The following ST6GALNAC3 variants were observed in gnomAD, a reference collection of about 807,000 sequenced individuals.
The protein encoded by ST6GALNAC3 is alpha-N-acetylgalactosaminide alpha-2,6-sialyltransferase 3.
A neutral mutation model predicts 32.7 loss-of-function variants in ST6GALNAC3; 25 were observed. The observed-to-expected ratio is 0.76, with a 90% confidence interval of 0.56 to 1.07. The LOEUF (loss-of-function observed/expected upper bound fraction) is 1.07, where lower values mean the gene tolerates loss of function less well. Among genes scored for constraint, ST6GALNAC3 ranks in the 50% least tolerant of loss-of-function variants. The pLI, the probability that ST6GALNAC3 is intolerant of heterozygous loss-of-function variation, is 0.00. For missense variants in ST6GALNAC3, 355 were observed against 382.4 expected (o/e 0.93, Z 0.60); for synonymous variants, 129 against 133.1 (o/e 0.97, Z 0.21).
chr1:76,320,327 G>A (rs1646942498), intron 2 of ST6GALNAC3, among the ~76,000 whole-genome samples: 1 of 152,126 alleles, frequency 6.6e-6, no homozygotes, highest in South Asian at 2.1e-4. Flanking sequence ...CCTCACACTT[G>A]GTGGATCCAT....
chr1:76,457,865 A>G (rs542576241), intron 3 of ST6GALNAC3, among the ~76,000 whole-genome samples: 1,873 of 150,582 alleles, frequency 0.012, 36 homozygotes, highest in African/African-American at 0.041. Context: ...AATGGCAACA[A>G]AAGCCAAAAT....
intron 2 of ST6GALNAC3, among the ~76,000 whole-genome samples, chr1:76,348,849 A>G: frequency 6.6e-6 from 1 of 152,226 alleles, no homozygotes; most frequent in East Asian, 1.9e-4. Flanking sequence ...GTATTTACAT[A>G]TACAATACTT....
intron 1 of ST6GALNAC3, among the ~76,000 whole-genome samples, chr1:76,205,831 C>T (rs1654789547): frequency 2.0e-5 from 1 of 50,252 alleles, no homozygotes; most frequent in African/African-American, 4.5e-5. Flanking sequence ...AGATTAAGCA[C>T]TAGGGATGTT....
chr1:76,209,744 T>C (rs898447827), intron 1 of ST6GALNAC3, among the ~76,000 whole-genome samples: 1 of 152,238 alleles, frequency 6.6e-6, no homozygotes, highest in African/African-American at 2.4e-5. Context: ...GGATGACTTA[T>C]GAGGCTATGT....
intron 3 of ST6GALNAC3, among the ~76,000 whole-genome samples, chr1:76,586,168 A>C (rs1014573081): frequency 6.6e-6 from 1 of 152,210 alleles, no homozygotes; most frequent in Non-Finnish European, 1.5e-5. Context: ...ATTCATGTGC[A>C]TTGCATTTTG....
intron 3 of ST6GALNAC3, among the ~76,000 whole-genome samples, chr1:76,448,079 G>A (rs1168489463): frequency 6.6e-6 from 1 of 152,262 alleles, no homozygotes; most frequent in South Asian, 2.1e-4. Context: ...GCAGAGAGGA[G>A]GGGGGCTATA....
At chr1:76,499,277 T>A (rs1260657070) in intron 3 of ST6GALNAC3, among the ~76,000 whole-genome samples, 7 of 152,194 alleles carry the variant, frequency 4.6e-5, no homozygotes, top group Admixed American at 1.3e-4. Flanking sequence ...GGAAGGGAAT[T>A]GGCAGTATTT....
intron 3 of ST6GALNAC3, among the ~76,000 whole-genome samples, chr1:76,549,896 C>A (rs1293660996): frequency 1.3e-5 from 2 of 152,278 alleles, no homozygotes; most frequent in East Asian, 3.9e-4. Context: ...GAAATGGCAT[C>A]ACATCATTTT....
At chr1:76,555,880 A>G (rs577914017) in intron 3 of ST6GALNAC3, among the ~76,000 whole-genome samples, 1 of 152,236 alleles carries the variant, frequency 6.6e-6, no homozygotes, top group African/African-American at 2.4e-5. Flanking sequence ...TTTATTAAAT[A>G]TATTATTCAT....
At chr1:76,449,384 A>G (rs1360238987) in intron 3 of ST6GALNAC3, among the ~76,000 whole-genome samples, 1 of 152,214 alleles carries the variant, frequency 6.6e-6, no homozygotes, top group Admixed American at 6.5e-5. Context: ...TGCTACAAAC[A>G]TTCATGTGCA....
At chr1:76,542,976 G>T (rs568434901) in intron 3 of ST6GALNAC3, among the ~76,000 whole-genome samples, 1 of 152,218 alleles carries the variant, frequency 6.6e-6, no homozygotes, top group South Asian at 2.1e-4. Context: ...CTGTCCTTGG[G>T]CCTACTTTGG....
intron 3 of ST6GALNAC3, among the ~76,000 whole-genome samples, chr1:76,506,331 CTG>C (rs1661477120): frequency 2.0e-5 from 3 of 152,278 alleles, no homozygotes; most frequent in African/African-American, 7.2e-5. Context: ...TCAGGCAAAA[CTG>C]TGAATTAAAT....
chr1:76,375,416 GA>G (rs1363060882), intron 2 of ST6GALNAC3, among the ~76,000 whole-genome samples: 3 of 152,146 alleles, frequency 2.0e-5, no homozygotes, highest in African/African-American at 7.2e-5. Context: ...ATGTCTGAAG[GA>G]ATTAGAAATA....
intron 1 of ST6GALNAC3, among the ~76,000 whole-genome samples, chr1:76,079,632 G>A (rs1194850327): frequency 6.6e-6 from 1 of 152,174 alleles, no homozygotes; most frequent in Non-Finnish European, 1.5e-5. Flanking sequence ...CTTCTCTCCA[G>A]TGACCTGTCC....
intron 3 of ST6GALNAC3, among the ~76,000 whole-genome samples, chr1:76,498,259 C>G (rs1660975183): frequency 6.6e-6 from 1 of 152,160 alleles, no homozygotes; most frequent in African/African-American, 2.4e-5. Flanking sequence ...TTCCCCAATT[C>G]CTTTTATCAT....
In ST6GALNAC3 at chr1:76,342,159, G is replaced by A. The variant is rs554850180; in HGVS notation, c.213+28160G>A. Among the ~76,000 whole-genome samples, 923 of 152,244 alleles carry A rather than the reference G, an allele frequency of 6.1e-3. 4 individuals are homozygous for A. Among genetic ancestry groups the A allele is most frequent in the African/African-American group, 0.021 (876 of 41,530 alleles). ...GGTCTTTGCTATTGTGAATAGTGCT[G>A]CAATAAACATACGTGTGTATGTGTC... is the stretch of plus-strand genomic sequence containing the variant. On this transcript the variant is annotated intron_variant, in intron 2 of 4. Transcript: ENST00000328299.
At chr1:76,292,332 C>G (rs1369165488) in intron 1 of ST6GALNAC3, among the ~76,000 whole-genome samples, 1 of 152,022 alleles carries the variant, frequency 6.6e-6, no homozygotes, top group Non-Finnish European at 1.5e-5. Context: ...TACACTGATA[C>G]ACCTGGGCAC....
intron 3 of ST6GALNAC3, among the ~76,000 whole-genome samples, chr1:76,438,343 G>T (rs1255498959): frequency 3.3e-5 from 5 of 152,048 alleles, no homozygotes; most frequent in African/African-American, 1.2e-4. Flanking sequence ...AGTAGAGACG[G>T]GGTTTCACCG....
At chr1:76,247,064 T>C (rs1657303585) in intron 1 of ST6GALNAC3, among the ~76,000 whole-genome samples, 1 of 152,210 alleles carries the variant, frequency 6.6e-6, no homozygotes, top group Admixed American at 6.5e-5. Context: ...GCCTCTCTTC[T>C]GCAGGTCTGC....
Sources: allele counts gnomAD v4.1 joint callset (sites outside exome capture counted in the v4.1 genomes callset), GRCh38; gene constraint gnomAD v4.1.1; transcripts MANE v1.5; gene names NCBI Gene and HGNC (gene_info 2026-07-23, HGNC 2026-07-21).